Variants in DLG2 observed in about 807,000 individuals in gnomAD.
DLG2 encodes disks large homolog 2.
A neutral mutation model predicts 132.5 loss-of-function variants in DLG2; 45 were observed. That is an observed-to-expected ratio of 0.34 (90% confidence interval 0.27 to 0.44). The LOEUF is 0.44. Among genes scored for constraint, DLG2 ranks in the 20% least tolerant of loss-of-function variants. DLG2 has a pLI of 1.00. For missense variants in DLG2, 1,045 were observed against 1,196.9 expected (o/e 0.87, Z 1.87); for synonymous variants, 424 against 419.6 (o/e 1.01, Z -0.13).
intron 11 of DLG2, among the ~76,000 whole-genome samples, chr11:83,993,325 C>T (rs2093827730): frequency 6.6e-6 from 1 of 152,036 alleles, no homozygotes; most frequent in African/African-American, 2.4e-5. Flanking sequence ...GTCAAGCATC[C>T]TACATTAAGA....
chr11:85,377,360 TG>T (rs1215306116), intron 3 of DLG2, among the ~76,000 whole-genome samples: 1 of 152,132 alleles, frequency 6.6e-6, no homozygotes, highest in Non-Finnish European at 1.5e-5. Context: ...GGGCAAGTTA[TG>T]AAAGCTTGAG....
intron 3 of DLG2, among the ~76,000 whole-genome samples, chr11:85,321,199 C>A (rs138068097): frequency 6.6e-6 from 1 of 151,510 alleles, no homozygotes; most frequent in Non-Finnish European, 1.5e-5. Context: ...TACATGAAGG[C>A]TATGAGAGAG....
chr11:84,133,782 A>G (rs189132619), intron 9 of DLG2, among the ~76,000 whole-genome samples: 29 of 152,128 alleles, frequency 1.9e-4, no homozygotes, highest in Non-Finnish European at 2.5e-4. Context: ...TGCCCAGGTA[A>G]AAGAAGACAT....
chr11:85,414,968 G>T (rs1001021642), intron 3 of DLG2, among the ~76,000 whole-genome samples: 2 of 151,890 alleles, frequency 1.3e-5, no homozygotes, highest in South Asian at 4.2e-4. Context: ...TCACCAACTG[G>T]TCATCTACAT....
intron 7 of DLG2, among the ~76,000 whole-genome samples, chr11:84,306,400 AGGAGAGGTGTG>A (rs2098218939): frequency 1.3e-5 from 2 of 152,198 alleles, no homozygotes; most frequent in Non-Finnish European, 2.9e-5. Flanking sequence ...AGATTGATGC[AGGAGAGGTGTG>A]TCAATACTAA....
Position 84,830,934 on chromosome 11 carries a change from G to T in DLG2, c.357+280727C>A, listed in dbSNP as rs527720083. Among the ~76,000 whole-genome samples, 562 of 148,642 alleles carry T rather than the reference G, an allele frequency of 3.8e-3. 1 individual carries two copies. The highest frequency in any genetic ancestry group is 6.2e-3 in the Non-Finnish European group (414 of 66,710). On this transcript the variant is annotated intron_variant, in intron 6 of 27. Transcript: ENST00000376104. Reference sequence around the variant, plus strand: ...AAACTTATAACATTAAGCAAAGGAAGCAGTCTCTCTCTCTCCTCCCCCCAC... The same window carrying T: ...AAACTTATAACATTAAGCAAAGGAATCAGTCTCTCTCTCTCCTCCCCCCAC...
rs1311143302 is a variant in DLG2, at chr11:84,301,683, AAACGACAGATGCTGG to A, written c.520-50407_520-50393del. Reference sequence around the variant, plus strand: ...AAAAAAAAAAAAAAAAAAAGTCAAGAAACGACAGATGCTGGAGAGGATGTGGAGAAATAGGAACAC... The same window carrying A: ...AAAAAAAAAAAAAAAAAAAGTCAAGAAGAGGATGTGGAGAAATAGGAACAC... On this transcript the variant is annotated intron_variant, in intron 7 of 27. Transcript: ENST00000376104. Among the ~76,000 whole-genome samples, 41 of 151,048 alleles carry A rather than the reference AAACGACAGATGCTGG, an allele frequency of 2.7e-4. No individual in the cohort carries two copies. The East Asian group carries it at 7.2e-3, about 27-fold the overall frequency.
chr11:84,123,517 A>T (rs543545213), intron 9 of DLG2, among the ~76,000 whole-genome samples: 1 of 152,310 alleles, frequency 6.6e-6, no homozygotes, highest in Non-Finnish European at 1.5e-5. Flanking sequence ...GACACTTTAA[A>T]TGTAGTCCTT....
At chr11:84,716,854 C>T (rs1407282569) in intron 6 of DLG2, among the ~76,000 whole-genome samples, 2 of 152,008 alleles carry the variant, frequency 1.3e-5, no homozygotes, top group East Asian at 3.9e-4. Flanking sequence ...GGAATTACTT[C>T]CTCAATAGGC....
At chr11:84,491,670 G>A (rs772984259) in intron 7 of DLG2, among the ~76,000 whole-genome samples, 19 of 152,124 alleles carry the variant, frequency 1.2e-4, no homozygotes, top group Non-Finnish European at 2.6e-4. Context: ...GATGGTCAAA[G>A]CAAGTGGCAG....
intron 6 of DLG2, among the ~76,000 whole-genome samples, chr11:84,984,488 A>T (rs991476696): frequency 1.8e-4 from 28 of 152,150 alleles, no homozygotes; most frequent in African/African-American, 6.5e-4. Context: ...GGAGCTCTAA[A>T]TCTTGAAACA....
At chr11:85,542,991 CT>C (rs1057206068) in intron 3 of DLG2, among the ~76,000 whole-genome samples, 137 of 151,914 alleles carry the variant, frequency 9.0e-4, no homozygotes, top group African/African-American at 3.1e-3. Flanking sequence ...AATTGATTCT[CT>C]TTTTTTTAAT....
chr11:83,661,535 G>A (rs1463856743), intron 18 of DLG2, among the ~76,000 whole-genome samples: 3 of 152,150 alleles, frequency 2.0e-5, no homozygotes, highest in Admixed American at 1.3e-4. Context: ...TGCTGCTACA[G>A]CAAGTTAGAT....
chr11:84,192,282 G>C (rs538849216), intron 8 of DLG2, among the ~76,000 whole-genome samples: 7 of 152,220 alleles, frequency 4.6e-5, no homozygotes, highest in Non-Finnish European at 7.3e-5. Context: ...ATAATGGTAA[G>C]ATAATTTGGG....
chr11:84,965,730 C>A (rs1213144576), intron 6 of DLG2, among the ~76,000 whole-genome samples: 1 of 151,898 alleles, frequency 6.6e-6, no homozygotes, highest in African/African-American at 2.4e-5. Context: ...GGTAGTCTCT[C>A]CAGCTACTAA....
intron 3 of DLG2, among the ~76,000 whole-genome samples, chr11:85,310,869 C>T (rs1386014013): frequency 6.6e-6 from 1 of 152,202 alleles, no homozygotes; most frequent in Non-Finnish European, 1.5e-5. Flanking sequence ...AAATGCCCCA[C>T]TCATATATGT....
intron 3 of DLG2, among the ~76,000 whole-genome samples, chr11:85,472,831 G>A (rs546373253): frequency 3.2e-4 from 49 of 152,334 alleles, no homozygotes; most frequent in African/African-American, 9.4e-4. Context: ...AGAATCGGGC[G>A]AAGGGACTGA....
chr11:84,476,215 A>G (rs1206554090), intron 7 of DLG2, among the ~76,000 whole-genome samples: 2 of 152,148 alleles, frequency 1.3e-5, no homozygotes, highest in African/African-American at 2.4e-5. Flanking sequence ...ACTCACATCT[A>G]TCTGACTCTA....
intron 7 of DLG2, among the ~76,000 whole-genome samples, chr11:84,517,562 C>T (rs146623184): frequency 3.9e-5 from 6 of 151,934 alleles, no homozygotes; most frequent in Middle Eastern, 6.8e-3. Flanking sequence ...TAAATTAATG[C>T]AACCATTATG....
Sources: gnomAD v4.1 joint callset for allele counts (sites outside exome capture counted in the v4.1 genomes callset) on GRCh38, gnomAD v4.1.1 for gene constraint, MANE v1.5 for transcripts, NCBI Gene and HGNC (gene_info 2026-07-23, HGNC 2026-07-21) for gene names.